PNPLA8: variants seen among roughly 807,000 people sequenced by gnomAD.
The protein encoded by PNPLA8 is calcium-independent phospholipase A2-gamma.
Under a neutral mutation model 76.9 loss-of-function variants are expected in PNPLA8, and 39 were observed. The ratio of observed to expected loss-of-function variants is 0.51; its 90% CI spans 0.39 to 0.66. The LOEUF (loss-of-function observed/expected upper bound fraction) is 0.66. Among genes scored for constraint, PNPLA8 ranks in the 30% least tolerant of loss-of-function variants. PNPLA8 has a pLI of 0.00. For missense variants in PNPLA8, 887 were observed against 918.0 expected (o/e 0.97, Z 0.44); for synonymous variants, 301 against 307.9 (o/e 0.98, Z 0.24).
chr7:108,525,255 TTTC>T (rs1232112859), intron 1 of PNPLA8, among the ~76,000 whole-genome samples: 2 of 152,236 alleles, frequency 1.3e-5, no homozygotes, highest in Non-Finnish European at 2.9e-5. Context: ...TTAACAGCAT[TTTC>T]TTAATACACT....
intron 9 of PNPLA8, among the ~76,000 whole-genome samples, chr7:108,484,184 AT>A (rs1381416371): frequency 6.6e-6 from 1 of 152,134 alleles, no homozygotes; most frequent in South Asian, 2.1e-4. Context: ...TTCAAAGCAA[AT>A]TTCTGTTCCT....
At position 108,515,314 on chromosome 7, in the gene PNPLA8, T is replaced by C; in HGVS notation, c.178A>G (p.Thr60Ala). The change falls in exon 3 of 11, where the codon ACC becomes GCC. Residue 60 changes from threonine (T) to alanine (A), a missense_variant. Physicochemically the swap from Thr to Ala is moderately conservative, Grantham distance 58. Transcript: ENST00000257694. ...CTGCAAGAATGTGCTTCACTTTTGG[T>C]CCATTTACATCTTATTATGTTTGTA... ...FHTNIIRCKW[T>A]KSEAHSCSKH... The C allele has an allele frequency of 6.2e-7, 1 of 1,612,436 alleles. No homozygotes were observed. The highest frequency in any genetic ancestry group is 2.2e-5 in the East Asian group (1 of 44,850).
At chr7:108,504,508 T>C (rs1051513605) in intron 4 of PNPLA8, among the ~76,000 whole-genome samples, 9 of 152,180 alleles carry the variant, frequency 5.9e-5, no homozygotes, top group South Asian at 2.1e-4. Context: ...AAATATGCCA[T>C]ATGTCATGGC....
At chr7:108,491,284 G>A in intron 8 of PNPLA8, 126 bp downstream of exon 8, 2 of 632,022 alleles carry the variant, frequency 3.2e-6, no homozygotes, top group Non-Finnish European at 5.5e-6. Flanking sequence ...TCCAGCCTGG[G>A]CAATAAGAGT....
intron 4 of PNPLA8, among the ~76,000 whole-genome samples, chr7:108,506,830 T>C (rs969587801): frequency 1.3e-5 from 2 of 152,054 alleles, no homozygotes; most frequent in African/African-American, 4.8e-5. Flanking sequence ...TTGGGAACAG[T>C]ATTTGGAGTG....
At chr7:108,479,011 C>T (rs772306394) in intron 10 of PNPLA8, among the ~76,000 whole-genome samples, 173 bp downstream of exon 10, 1 of 152,176 alleles carries the variant, frequency 6.6e-6, no homozygotes, top group Non-Finnish European at 1.5e-5. Flanking sequence ...TCTAGAGTCA[C>T]CTAACAAGAA....
At chr7:108,491,835 G>C (rs1441166553) in intron 7 of PNPLA8, among the ~76,000 whole-genome samples, 1 of 152,194 alleles carries the variant, frequency 6.6e-6, no homozygotes. Context: ...TAAATCTGTT[G>C]TTTTCAGGGT....
upstream of PNPLA8, chr7:108,526,185 C>G: frequency 2.7e-6 from 2 of 738,604 alleles, no homozygotes; most frequent in Non-Finnish European, 3.3e-6. Context: ...GCTCCGCCCC[C>G]AGCGGAAGTG....
rs1346424008 is a variant in PNPLA8, at chr7:108,517,538, C to T, written c.-83-1964G>A. 2.0e-5 allele frequency among the ~76,000 whole-genome samples: 3 copies of T among 152,102 alleles called. No individual in the cohort carries two copies. In the East Asian group the frequency reaches 5.8e-4, roughly 29 times the overall value. On this transcript the variant is annotated intron_variant, in intron 2 of 10. Coordinates refer to ENST00000257694, the MANE Select transcript of PNPLA8 (RefSeq NM_001256007.3). The stretch of plus-strand genomic sequence containing the variant: ...GTAAGTGAATGGATAAACTGTGGTA[C>T]ATCAATATACGGTATGTGTATGTGC...
In PNPLA8 at chr7:108,491,351, T is replaced by C. The variant is rs570470251; in HGVS notation, c.1683+59A>G. The C allele has an allele frequency of 2.2e-5, 22 of 989,090 alleles. 1 individual carries two copies. In the East Asian group the frequency reaches 5.0e-4, roughly 22 times the overall value. The allele number at this position is 989,090 out of a possible 1,614,324, so 61.3% of individuals were successfully genotyped here. The stretch of plus-strand genomic sequence containing the variant: ...AAAATAAAATGGCCCTCAGGACAAG[T>C]GCTTTCACCAGACCTTCAGATGGAA... On this transcript the variant is annotated intron_variant, in intron 8 of 10. Coordinates refer to ENST00000257694, the MANE Select transcript of PNPLA8 (RefSeq NM_001256007.3).
chr7:108,480,304 G>C (rs1462679004), intron 9 of PNPLA8, among the ~76,000 whole-genome samples: 1 of 152,162 alleles, frequency 6.6e-6, no homozygotes, highest in Non-Finnish European at 1.5e-5. Context: ...GGAGGTCAAG[G>C]CTGCAGTGAG....
intron 10 of PNPLA8, 91 bp downstream of exon 10, chr7:108,479,093 T>C (rs1860201888): frequency 2.6e-6 from 2 of 780,510 alleles, no homozygotes; most frequent in East Asian, 2.4e-5. Context: ...AGACATATCA[T>C]ATGCCTTTGC....
chr7:108,514,259 CG>C lies in PNPLA8; in HGVS notation c.1090del (p.Arg364GlyfsTer3). On this transcript the variant is annotated frameshift_variant, in exon 4 of 11. Coordinates refer to ENST00000257694, the MANE Select transcript of PNPLA8 (RefSeq NM_001256007.3). LOFTEE classifies it high-confidence loss of function. Reference protein sequence around the residue: ...IARVSIDNRTRALVQALRRTT... With the variant: ...IARVSIDNRTXALVQALRRTT... ...TCTTCTTAATGCCTGAACTAATGCC[CG>C]GGTCCTGTTATCAATACTCACCCTT... 6.2e-7 allele frequency: 1 copy of C among 1,612,076 alleles called. No individual in the cohort carries two copies. The highest frequency in any genetic ancestry group is 8.5e-7 in the Non-Finnish European group (1 of 1,178,290).
In PNPLA8 at chr7:108,521,431, T is replaced by C. The variant is rs1863731847; in HGVS notation, c.-84+45A>G. On this transcript the variant is annotated intron_variant, in intron 2 of 10. Coordinates refer to ENST00000257694, the MANE Select transcript of PNPLA8 (RefSeq NM_001256007.3). ...AAACATAAGGGAAAGGCATTAATTATGGATAAAAAGGAGACATTACAAAAT... is the reference window on the plus strand; with the variant it reads ...AAACATAAGGGAAAGGCATTAATTACGGATAAAAAGGAGACATTACAAAAT... 2.1e-5 allele frequency: 9 copies of C among 430,364 alleles called. 1 individual carries two copies. In the South Asian group the frequency reaches 8.6e-4, roughly 41 times the overall value. 26.7% of individuals were successfully genotyped at this position (430,364 alleles called of 1,614,324 possible). A position where few individuals can be genotyped will look rare whatever the true frequency, so the allele number is the denominator to read the frequency against.
chr7:108,524,295 T>A (rs1423686877), intron 1 of PNPLA8, among the ~76,000 whole-genome samples: 1 of 152,116 alleles, frequency 6.6e-6, no homozygotes, highest in Non-Finnish European at 1.5e-5. Context: ...ACATGCCCAC[T>A]GAAGTATATT....
chr7:108,471,884 T>A lies in PNPLA8; in HGVS notation c.*517A>T, dbSNP rs1859653887. On this transcript the variant is annotated 3_prime_UTR_variant, in exon 11 of 11. Coordinates refer to ENST00000257694, the MANE Select transcript of PNPLA8 (RefSeq NM_001256007.3). ...TGTAAAATACTTTAATAGAGAAAATTCCATTTTTCTGCATCTATTTAGATG... is the reference window on the plus strand; with the variant it reads ...TGTAAAATACTTTAATAGAGAAAATACCATTTTTCTGCATCTATTTAGATG... 6.6e-6 allele frequency: 1 copy of A among 152,168 alleles called. No individual in the cohort carries two copies. The allele number at this position is 152,168 out of a possible 1,614,324, so 9.4% of individuals were successfully genotyped here.
At chr7:108,476,964 T>C (rs911417856) in intron 10 of PNPLA8, among the ~76,000 whole-genome samples, 2 of 152,164 alleles carry the variant, frequency 1.3e-5, no homozygotes, top group Middle Eastern at 3.4e-3. Flanking sequence ...AGGAGAATGG[T>C]GGTTGCCAGA....
At chr7:108,497,616 T>A in intron 5 of PNPLA8, 39 bp from the exon 6 acceptor site, 1 of 1,217,220 alleles carries the variant, frequency 8.2e-7, no homozygotes, top group Non-Finnish European at 1.2e-6. Context: ...AATTCCTGTT[T>A]AAAGAAAAAA....
At chr7:108,494,116 G>A (rs951760296) in intron 7 of PNPLA8, among the ~76,000 whole-genome samples, 1 of 152,020 alleles carries the variant, frequency 6.6e-6, no homozygotes, top group African/African-American at 2.4e-5. Flanking sequence ...TAAGTTTTAG[G>A]TAACTTCAGA....
Sources: gnomAD v4.1 joint callset for allele counts (sites outside exome capture counted in the v4.1 genomes callset) on GRCh38, gnomAD v4.1.1 for gene constraint, MANE v1.5 for transcripts, NCBI Gene and HGNC (gene_info 2026-07-23, HGNC 2026-07-21) for gene names.